PDE6D: variants seen among roughly 807,000 people sequenced by gnomAD.
PDE6D encodes the protein phosphodiesterase 6D.
A neutral mutation model predicts 21.9 loss-of-function variants in PDE6D; 10 were observed. The observed-to-expected ratio is 0.46, with a 90% CI of 0.28 to 0.78. The LOEUF is 0.78. PDE6D is among the 30% of genes least tolerant of loss of function. PDE6D has a pLI of 0.12. For synonymous variants in PDE6D, 59 were observed against 63.5 expected (o/e 0.93, Z 0.34); for missense variants, 139 against 184.8 (o/e 0.75, Z 1.44).
intron 1 of PDE6D, among the ~76,000 whole-genome samples, chr2:231,749,956 G>A (rs780111463): frequency 2.0e-5 from 3 of 152,090 alleles, no homozygotes; most frequent in Non-Finnish European, 4.4e-5. Flanking sequence ...GAGAGGCCAG[G>A]GCAGAATGAT....
chr2:231,777,228 A>G (rs1039354226), intron 1 of PDE6D, among the ~76,000 whole-genome samples: 2 of 152,266 alleles, frequency 1.3e-5, no homozygotes, highest in South Asian at 2.1e-4. Flanking sequence ...ATAAAATCTT[A>G]TAAGATTTTG....
chr2:231,753,387 C>CA (rs2048858037), intron 1 of PDE6D, among the ~76,000 whole-genome samples: 1 of 150,748 alleles, frequency 6.6e-6, no homozygotes, highest in Admixed American at 6.6e-5. Flanking sequence ...CCCCAAAAAA[C>CA]AAAAAACAAA....
rs1329703206 is a variant in PDE6D, at chr2:231,767,391, C to G, written c.50+13674G>C. ...AGTGCAGTGGTGCGATCTTGGCTCA[C>G]TGCAAGCTCTGCCTCCCAGGTTCAT... On this transcript the variant is annotated intron_variant, in intron 1 of 4. Coordinates refer to ENST00000287600, the MANE Select transcript of PDE6D (RefSeq NM_002601.4). Among the ~76,000 whole-genome samples, 33 of 151,954 alleles carry G rather than the reference C, an allele frequency of 2.2e-4. 1 individual carries two copies. The highest frequency in any genetic ancestry group is 1.2e-4 in the Non-Finnish European group (8 of 68,010).
chr2:231,748,700 A>C (rs1186821035), intron 1 of PDE6D, among the ~76,000 whole-genome samples: 1 of 152,154 alleles, frequency 6.6e-6, no homozygotes, highest in Non-Finnish European at 1.5e-5. Context: ...AGGAGGAAAA[A>C]GTGGTTTCAC....
At chr2:231,738,169 T>C (rs1181497473) in intron 2 of PDE6D, 31 bp from the exon 3 acceptor site, 11 of 1,595,142 alleles carry the variant, frequency 6.9e-6, no homozygotes, top group Non-Finnish European at 8.5e-6. Flanking sequence ...GTTGAAGCCT[T>C]TCTAAATGAA....
At chr2:231,764,069 A>AT in intron 1 of PDE6D, among the ~76,000 whole-genome samples, 1 of 152,340 alleles carries the variant, frequency 6.6e-6, no homozygotes, top group South Asian at 2.1e-4. Context: ...AACAGGAAGA[A>AT]TAAGATAAGA....
intron 1 of PDE6D, among the ~76,000 whole-genome samples, chr2:231,756,252 T>C (rs1474007112): frequency 4.6e-5 from 7 of 152,154 alleles, no homozygotes; most frequent in Non-Finnish European, 1.0e-4. Flanking sequence ...TCCCAAAGGT[T>C]TGGGCAAGAA....
At chr2:231,745,132 A>C (rs984260959) in intron 1 of PDE6D, among the ~76,000 whole-genome samples, 3 of 152,254 alleles carry the variant, frequency 2.0e-5, no homozygotes, top group African/African-American at 7.2e-5. Context: ...AAAGTTATTA[A>C]GGTAGATGTC....
At chr2:231,769,892 G>A (rs960974075) in intron 1 of PDE6D, among the ~76,000 whole-genome samples, 3 of 152,120 alleles carry the variant, frequency 2.0e-5, no homozygotes, top group African/African-American at 4.8e-5. Flanking sequence ...AGGAACCCTC[G>A]AGTTGGTTCT....
intron 1 of PDE6D, among the ~76,000 whole-genome samples, chr2:231,775,479 TTGTG>T (rs1339545626): frequency 6.8e-6 from 1 of 146,426 alleles, no homozygotes; most frequent in Admixed American, 7.0e-5. Context: ...TGGCTAATTT[TTGTG>T]TGTGTTTTTT....
intron 1 of PDE6D, among the ~76,000 whole-genome samples, chr2:231,753,267 T>TA (rs999565403): frequency 6.0e-5 from 9 of 150,916 alleles, no homozygotes; most frequent in African/African-American, 1.9e-4. Flanking sequence ...CTCACGCCTG[T>TA]AATCCCGGCA....
intron 1 of PDE6D, among the ~76,000 whole-genome samples, chr2:231,774,749 C>T (rs1003131230): frequency 2.0e-5 from 3 of 151,686 alleles, no homozygotes; most frequent in African/African-American, 4.8e-5. Flanking sequence ...CCACACCATG[C>T]CCAGCTAATT....
At position 231,732,723 on chromosome 2, in the gene PDE6D, T is replaced by C; in HGVS notation, c.*229A>G. On this transcript the variant is annotated 3_prime_UTR_variant, in exon 5 of 5. Transcript: ENST00000287600. ...AGGACTTGAGACCTGTCCCCTGCCC[T>C]GGTCTGGGGTTGGGAGTTTAGTCTG... The C allele has an allele frequency of 2.1e-6, 1 of 476,064 alleles. No homozygotes were observed. The highest frequency in any genetic ancestry group is 3.8e-6 in the Non-Finnish European group (1 of 263,466). The allele number at this position is 476,064 out of a possible 1,614,324, so 29.5% of individuals were successfully genotyped here. A position where few individuals can be genotyped will look rare whatever the true frequency, so the allele number is the denominator to read the frequency against.
At chr2:231,740,094 A>C (rs1177447505) in intron 1 of PDE6D, among the ~76,000 whole-genome samples, 1 of 152,156 alleles carries the variant, frequency 6.6e-6, no homozygotes, top group Non-Finnish European at 1.5e-5. Context: ...ACTAAAAATT[A>C]ATATAATAAA....
intron 1 of PDE6D, chr2:231,778,599 C>G (rs2049075546): frequency 6.6e-6 from 1 of 152,228 alleles, no homozygotes; most frequent in Admixed American, 6.5e-5. Context: ...CTCATTTACT[C>G]TTACAGCCCC....
chr2:231,754,256 T>A (rs1326835193), intron 1 of PDE6D, among the ~76,000 whole-genome samples: 2 of 152,114 alleles, frequency 1.3e-5, no homozygotes, highest in Non-Finnish European at 2.9e-5. Flanking sequence ...ATGTACCAAC[T>A]GCAGAGTAAA....
At chr2:231,744,712 C>T (rs567697774) in intron 1 of PDE6D, among the ~76,000 whole-genome samples, 3 of 152,128 alleles carry the variant, frequency 2.0e-5, no homozygotes, top group South Asian at 2.1e-4. Flanking sequence ...GGATTACAGG[C>T]GTTGAGCCAC....
chr2:231,775,435 A>G (rs1437112309), intron 1 of PDE6D, among the ~76,000 whole-genome samples: 2 of 150,274 alleles, frequency 1.3e-5, no homozygotes, highest in African/African-American at 4.9e-5. Context: ...TCAGCCTCCC[A>G]GTAGCTGGGA....
chr2:231,765,121 A>G (rs1439054327), intron 1 of PDE6D, among the ~76,000 whole-genome samples: 1 of 151,562 alleles, frequency 6.6e-6, no homozygotes, highest in Non-Finnish European at 1.5e-5. Flanking sequence ...AAAAAAAAAG[A>G]CAAATTAGCC....
Sources: allele counts gnomAD v4.1 joint callset (sites outside exome capture counted in the v4.1 genomes callset), GRCh38; gene constraint gnomAD v4.1.1; transcripts MANE v1.5; gene names NCBI Gene and HGNC (gene_info 2026-07-23, HGNC 2026-07-21).